VRK2: variants seen among roughly 807,000 people sequenced by gnomAD.
VRK2 encodes VRK serine/threonine kinase 2.
A neutral mutation model predicts 57.6 loss-of-function variants in VRK2; 60 were observed. The ratio of observed to expected loss-of-function variants is 1.04; its 90% CI spans 0.85 to 1.29. The LOEUF (loss-of-function observed/expected upper bound fraction) is 1.29, where lower values mean the gene tolerates loss of function less well. Among genes scored for constraint, VRK2 ranks in the 50% most tolerant of loss-of-function variants. The probability of loss-of-function intolerance (pLI) is 0.00; values close to 1 mark genes in which losing one functional copy is unlikely to be tolerated. For synonymous variants in VRK2, 231 were observed against 199.2 expected, an observed-to-expected ratio of 1.16 and a Z score of -1.35; for missense variants, 705 against 588.1, an observed-to-expected ratio of 1.20 and a Z score of -2.06.
intron 1 of VRK2, among the ~76,000 whole-genome samples, chr2:57,974,941 C>G (rs1332711875): frequency 6.6e-6 from 1 of 151,644 alleles, no homozygotes; most frequent in Non-Finnish European, 1.5e-5. Context: ...TTGATCATCT[C>G]ATAGGTTTGA....
In VRK2 at chr2:58,150,654, A is replaced by G. The variant is rs1682883843; in HGVS notation, c.1182+4180A>G. On this transcript the variant is annotated intron_variant, in intron 12 of 12. Coordinates refer to ENST00000340157, the MANE Select transcript of VRK2 (RefSeq NM_006296.7). ...ATGTTTTCTGTTTCACTAATTCTTT[A>G]TCATTTGCTTGATTCTACTTATTTT... is the stretch of plus-strand genomic sequence containing the variant. 3.2e-5 allele frequency among the ~76,000 whole-genome samples: 4 copies of G among 126,848 alleles called. No homozygotes were observed. The South Asian group carries it at 9.7e-4, about 31-fold the overall frequency. 83.2% of individuals were successfully genotyped at this position (126,848 alleles called of 152,430 possible). A position where few individuals can be genotyped will look rare whatever the true frequency, so the allele number is the denominator to read the frequency against.
intron 2 of VRK2, chr2:58,028,284 T>C (rs1352312398): frequency 2.6e-5 from 4 of 152,178 alleles, no homozygotes; most frequent in African/African-American, 7.2e-5. Flanking sequence ...ATCTATAGTT[T>C]CTATTTACTA....
intron 1 of VRK2, among the ~76,000 whole-genome samples, chr2:57,950,220 C>A (rs1459274511): frequency 1.3e-5 from 2 of 152,170 alleles, no homozygotes; most frequent in Non-Finnish European, 2.9e-5. Context: ...ATAAAACAGC[C>A]TTCTATTGAA....
chr2:58,122,725 A>T (rs1483081712), intron 7 of VRK2, among the ~76,000 whole-genome samples: 1 of 152,142 alleles, frequency 6.6e-6, no homozygotes, highest in Non-Finnish European at 1.5e-5. Flanking sequence ...TGCTTGAAAT[A>T]GTTTTATGTT....
At position 58,131,878 on chromosome 2, in the gene VRK2, C is replaced by G; in HGVS notation, c.747C>G (p.Pro249=). The part of the protein sequence containing the change: ...CMLRWLCGKL[P]WEQNLKDPVA... The stretch of plus-strand genomic sequence containing the variant: ...TGCGGTGGTTGTGTGGGAAACTTCC[C>G]TGGGAACAGAACCTGAAGGACCCTG... Residue 249 remains proline (P), a synonymous_variant, in exon 9 of 13, where the codon CCC becomes CCG. Coordinates refer to ENST00000340157, the MANE Select transcript of VRK2 (RefSeq NM_006296.7). 6.2e-7 allele frequency: 1 copy of G among 1,614,036 alleles called. No individual in the cohort carries two copies.
chr2:58,032,809 T>C (rs1674157495), intron 2 of VRK2, among the ~76,000 whole-genome samples: 3 of 152,098 alleles, frequency 2.0e-5, no homozygotes, highest in South Asian at 4.1e-4. Context: ...ACATGCATAG[T>C]TGAGATTCTA....
chr2:58,023,870 T>C (rs1430878075), intron 1 of VRK2, among the ~76,000 whole-genome samples: 1 of 152,128 alleles, frequency 6.6e-6, no homozygotes, highest in African/African-American at 2.4e-5. Flanking sequence ...AGAGGAGTGG[T>C]CATGCTCACT....
At chr2:58,127,711 T>G (rs778754214) in intron 8 of VRK2, among the ~76,000 whole-genome samples, 1 of 152,186 alleles carries the variant, frequency 6.6e-6, no homozygotes, top group African/African-American at 2.4e-5. Flanking sequence ...TGCTTTCTTA[T>G]TGTCTTTCTG....
chr2:58,002,682 G>A (rs975304003), intron 1 of VRK2, among the ~76,000 whole-genome samples: 4 of 152,136 alleles, frequency 2.6e-5, no homozygotes, highest in Admixed American at 6.6e-5. Context: ...TATTTTAGGC[G>A]AGGGAAAAGA....
chr2:58,103,505 A>G (rs1258358223), intron 7 of VRK2, among the ~76,000 whole-genome samples: 2 of 151,782 alleles, frequency 1.3e-5, no homozygotes, highest in African/African-American at 2.4e-5. Flanking sequence ...GGAAATGGAT[A>G]CATTCCTAGA....
intron 1 of VRK2, among the ~76,000 whole-genome samples, chr2:57,927,368 T>C (rs1670574446): frequency 6.6e-6 from 1 of 151,326 alleles, no homozygotes; most frequent in South Asian, 2.1e-4. Flanking sequence ...CCTTTGCCTC[T>C]CGGGTTGAAG....
intron 1 of VRK2, among the ~76,000 whole-genome samples, chr2:57,990,854 TACACACAC>T (rs34097486): frequency 0.014 from 2,108 of 148,748 alleles, 28 homozygotes; most frequent in Middle Eastern, 0.052. Flanking sequence ...CACACAGACA[TACACACAC>T]ACACACACAC....
At chr2:58,119,557 T>G (rs930783502) in intron 7 of VRK2, among the ~76,000 whole-genome samples, 1 of 151,068 alleles carries the variant, frequency 6.6e-6, no homozygotes, top group African/African-American at 2.4e-5. Context: ...ACAGGTCAAA[T>G]TAATTTGTCA....
At chr2:58,072,069 G>T (rs72810329) in intron 2 of VRK2, among the ~76,000 whole-genome samples, 3,833 of 151,926 alleles carry the variant, frequency 0.025, 68 homozygotes, top group Non-Finnish European at 0.039. Context: ...TCAGATTCCA[G>T]TTGCTCATTG....
At chr2:58,017,276 G>C (rs1282644233) in intron 1 of VRK2, among the ~76,000 whole-genome samples, 1 of 152,148 alleles carries the variant, frequency 6.6e-6, no homozygotes, top group African/African-American at 2.4e-5. Flanking sequence ...TGTCCTATTA[G>C]TGAATACTAT....
In VRK2 at chr2:58,088,348, T is replaced by C; in HGVS notation, c.352T>C (p.Phe118Leu). 1.9e-6 allele frequency: 3 copies of C among 1,606,356 alleles called. No individual in the cohort carries two copies. The highest frequency in any genetic ancestry group is 2.6e-6 in the Non-Finnish European group (3 of 1,175,190). ...LTEFKGRSYR[F>L]MVMERLGIDL... ...GATGCTTTTTTCTTACAGTTACAGA[T>C]TTATGGTAATGGAAAGACTAGGAAT... The change falls in exon 6 of 13, where the codon TTT (phenylalanine) becomes CTT (leucine). Residue 118 changes from phenylalanine to leucine, a missense_variant. Coordinates refer to ENST00000340157, the MANE Select transcript of VRK2 (RefSeq NM_006296.7).
At chr2:58,137,224 C>CATATATATGATACATGTATATCATAT (rs147019487) in intron 10 of VRK2, among the ~76,000 whole-genome samples, 13 of 65,146 alleles carry the variant, frequency 2.0e-4, no homozygotes, top group South Asian at 1.0e-3. Context: ...ACATATATAT[C>CATATATATGATACATGTATATCATAT]ATATGATACA....
rs575708966 is a variant in VRK2, at chr2:58,028,803, T to C, written c.-333+3033T>C. Among the ~76,000 whole-genome samples, 46 of 148,838 alleles carry C rather than the reference T, an allele frequency of 3.1e-4. 1 individual carries two copies. Among genetic ancestry groups the C allele is most frequent in the African/African-American group, 1.0e-3 (42 of 40,314 alleles). ...CTAATGTAAATAATGAGTTAATGGG[T>C]GCAGCACACCAACATGGCACATGTA... On this transcript the variant is annotated intron_variant, in intron 2 of 15. Coordinates refer to the VRK2 transcript ENST00000417641.
At chr2:57,944,663 G>C (rs1671203207) in intron 1 of VRK2, among the ~76,000 whole-genome samples, 2 of 152,022 alleles carry the variant, frequency 1.3e-5, no homozygotes, top group South Asian at 4.1e-4. Flanking sequence ...GTGAACCCGG[G>C]AGGCGGAGTT....
Sources: allele counts gnomAD v4.1 joint callset (sites outside exome capture counted in the v4.1 genomes callset), GRCh38; gene constraint gnomAD v4.1.1; transcripts MANE v1.5; gene names NCBI Gene and HGNC (gene_info 2026-07-23, HGNC 2026-07-21).